The following GTF3C1 variants were observed in gnomAD, a reference collection of about 807,000 sequenced individuals.
GTF3C1 encodes general transcription factor IIIC subunit 1.
GTF3C1 carries 57 observed loss-of-function variants against 226.7 expected under a neutral mutation model. That is an observed-to-expected ratio of 0.25 (90% confidence interval 0.20 to 0.31). The LOEUF (loss-of-function observed/expected upper bound fraction) is 0.31. Among genes scored for constraint, GTF3C1 ranks in the 10% least tolerant of loss-of-function variants. The pLI is 1.00. For missense variants in GTF3C1, 2,217 were observed against 2,776.1 expected (o/e 0.80, Z 4.53); for synonymous variants, 1,090 against 1,084.8 (o/e 1.00, Z -0.09).
intron 6 of GTF3C1, among the ~76,000 whole-genome samples, chr16:27,517,002 C>T (rs2088668728): frequency 6.8e-6 from 1 of 147,240 alleles, no homozygotes; most frequent in Admixed American, 6.6e-5. Flanking sequence ...GGAAGCCAGA[C>T]TCTCTGCCAC....
In GTF3C1 at chr16:27,464,714, G is replaced by A. The variant is rs774131442; in HGVS notation, c.5478C>T (p.Asp1826=). The A allele has an allele frequency of 1.3e-6, 2 of 1,596,456 alleles. No individual in the cohort carries two copies. The highest frequency in any genetic ancestry group is 1.7e-6 in the Non-Finnish European group (2 of 1,177,874). ...SVRLKDREDA[D]IQREDPQARP... is the part of the protein sequence containing the mutation. ...TGGCCTGGGGGTCTTCTCTCTGGAT[G>A]TCGGCGTCTTCTCTGTCTTTCAGCC... is the stretch of plus-strand genomic sequence containing the variant. Residue 1826 remains aspartate (D), a synonymous_variant, in exon 34 of 37, where the codon GAC becomes GAT. Coordinates refer to ENST00000356183, the MANE Select transcript of GTF3C1 (RefSeq NM_001520.4).
chr16:27,493,599 C>T (rs2088265620), intron 16 of GTF3C1, among the ~76,000 whole-genome samples: 1 of 152,100 alleles, frequency 6.6e-6, no homozygotes, highest in African/African-American at 2.4e-5. Context: ...ATATTTTAAA[C>T]AAGAAAAGAT....
chr16:27,548,130 G>C (rs2089189939), intron 1 of GTF3C1, among the ~76,000 whole-genome samples: 1 of 152,174 alleles, frequency 6.6e-6, no homozygotes, highest in Non-Finnish European at 1.5e-5. Flanking sequence ...AAGGATCTTA[G>C]CACAGTCCTA....
intron 9 of GTF3C1, 49 bp downstream of exon 9, chr16:27,506,798 C>T: frequency 7.2e-7 from 1 of 1,395,416 alleles, no homozygotes; most frequent in Non-Finnish European, 9.8e-7. Flanking sequence ...CTTGCAGGTG[C>T]CCAGCAGTGC....
chr16:27,538,065 G>GGT, intron 3 of GTF3C1, 115 bp downstream of exon 3: 1 of 1,268,032 alleles, frequency 7.9e-7, no homozygotes, highest in Non-Finnish European at 1.1e-6. Context: ...GTGAGACCAC[G>GGT]GCCTTGAAAC....
intron 6 of GTF3C1, among the ~76,000 whole-genome samples, chr16:27,522,853 G>A (rs1462092432): frequency 2.0e-5 from 3 of 152,108 alleles, no homozygotes; most frequent in African/African-American, 7.2e-5. Context: ...GAACAAAATT[G>A]TTTTCTTAAT....
intron 27 of GTF3C1, among the ~76,000 whole-genome samples, chr16:27,478,942 C>T (rs543590344): frequency 6.6e-6 from 1 of 151,234 alleles, no homozygotes; most frequent in Non-Finnish European, 1.5e-5. Context: ...AGGTGGTTCC[C>T]AGAGGCTGGG....
chr16:27,498,511 C>T, intron 13 of GTF3C1, 119 bp downstream of exon 13: 1 of 721,238 alleles, frequency 1.4e-6, no homozygotes, highest in Non-Finnish European at 2.5e-6. Flanking sequence ...CCATGAACTC[C>T]AAACCAACAA....
Position 27,494,862 on chromosome 16 carries a change from T to G in GTF3C1, c.2679A>C (p.Pro893=). 1.2e-6 allele frequency: 2 copies of G among 1,612,928 alleles called. No individual in the cohort carries two copies. The highest frequency in any genetic ancestry group is 1.7e-6 in the Non-Finnish European group (2 of 1,178,954). Residue 893 remains proline, a synonymous_variant, in exon 16 of 37, where the codon CCA becomes CCC. Transcript: ENST00000356183. ...AGCCAAAGCCGAAGTCCCTGTGGAC[T>G]GGGATTGGGGGGATGTAGCGCATCC... ...ASWMRYIPPI[P]VHRDFGFGWA... is the part of the protein sequence containing the mutation.
chr16:27,501,387 A>G (rs1050310086), intron 11 of GTF3C1, 43 bp from the exon 12 acceptor site: 3 of 1,582,438 alleles, frequency 1.9e-6, no homozygotes, highest in African/African-American at 2.7e-5. Flanking sequence ...CAATCTCAAC[A>G]TGGAAGGCCT....
chr16:27,528,624 T>C lies in GTF3C1; in HGVS notation c.947A>G (p.Glu316Gly). The change falls in exon 6 of 37, where the codon GAA (glutamate) becomes GGA (glycine). Residue 316 changes from glutamate (E) to glycine (G), a missense_variant. Glu to Gly is a moderately conservative substitution (Grantham distance 98). Coordinates refer to ENST00000356183, the MANE Select transcript of GTF3C1 (RefSeq NM_001520.4). ...VSLRLQEIHP[E>G]CGPCKTKKGT... Reference sequence around the variant, plus strand: ...TTTCTTTGTCTTACAAGGTCCACATTCAGGGTGGATCTCTTGCAAGCGAAG... The same window carrying C: ...TTTCTTTGTCTTACAAGGTCCACATCCAGGGTGGATCTCTTGCAAGCGAAG... 1 of 1,612,360 alleles carries C rather than the reference T, an allele frequency of 6.2e-7. No individual in the cohort carries two copies.
intron 6 of GTF3C1, among the ~76,000 whole-genome samples, chr16:27,521,860 T>A (rs118190314): frequency 6.6e-6 from 1 of 152,194 alleles, no homozygotes; most frequent in Non-Finnish European, 1.5e-5. Context: ...TCACCTTTTA[T>A]CCTTTTTGTT....
chr16:27,545,324 C>T lies in GTF3C1; in HGVS notation c.421G>A (p.Ala141Thr). 2 of 1,611,252 alleles carry T rather than the reference C, an allele frequency of 1.2e-6. No homozygotes were observed. Among genetic ancestry groups the T allele is most frequent in the East Asian group, 4.5e-5 (2 of 44,866 alleles). Residue 141 changes from alanine (A) to threonine (T), a missense_variant, in exon 2 of 37, where the codon GCC becomes ACC. By Grantham distance (58) the Ala-to-Thr change is moderately conservative. Coordinates refer to ENST00000356183, the MANE Select transcript of GTF3C1 (RefSeq NM_001520.4). Reference sequence around the variant, plus strand: ...GTGCAAAATAGTTACCTGTCAAAGGCTTCCACCATTGTACAGCGAGGCTGC... The same window carrying T: ...GTGCAAAATAGTTACCTGTCAAAGGTTTCCACCATTGTACAGCGAGGCTGC... ...SLQPRCTMVE[A>T]FDRWGKKLII...
intron 6 of GTF3C1, among the ~76,000 whole-genome samples, chr16:27,516,398 G>A (rs2088659016): frequency 6.6e-6 from 1 of 152,222 alleles, no homozygotes; most frequent in Non-Finnish European, 1.5e-5. Flanking sequence ...GGCCCAGCGT[G>A]AGGCGGCTGT....
chr16:27,464,296 G>A (rs774392783), intron 34 of GTF3C1, 24 bp downstream of exon 34: 3 of 1,422,476 alleles, frequency 2.1e-6, no homozygotes, highest in Admixed American at 2.8e-5. Flanking sequence ...GGTGAGGTGG[G>A]GTGGGGGACA....
intron 10 of GTF3C1, 52 bp downstream of exon 10, chr16:27,505,846 TG>T: frequency 1.0e-6 from 1 of 990,258 alleles, no homozygotes; most frequent in East Asian, 2.4e-5. Flanking sequence ...ACAGAAACGA[TG>T]AGGCCACAGA....
At chr16:27,505,786 G>T in intron 10 of GTF3C1, 113 bp downstream of exon 10, 1 of 701,058 alleles carries the variant, frequency 1.4e-6, no homozygotes, top group Non-Finnish European at 2.5e-6. Context: ...GCCTCGGCAC[G>T]CAGCACTCTC....
At chr16:27,501,459 A>C in intron 11 of GTF3C1, 115 bp from the exon 12 acceptor site, 8 of 927,876 alleles carry the variant, frequency 8.6e-6, no homozygotes, top group East Asian at 2.4e-5. Flanking sequence ...GAAGGATCAA[A>C]CGGGGTTTCC....
chr16:27,484,275 A>T lies in GTF3C1; in HGVS notation c.3937T>A (p.Ser1313Thr). 2.5e-6 allele frequency: 4 copies of T among 1,607,288 alleles called. No individual in the cohort carries two copies. The highest frequency in any genetic ancestry group is 3.4e-6 in the Non-Finnish European group (4 of 1,173,818). The change falls in exon 25 of 37, where the codon TCT becomes ACT. Residue 1313 changes from serine to threonine, a missense_variant. Ser to Thr is a moderately conservative substitution (Grantham distance 58). Around this residue, in one of 12 missense-constraint regions of GTF3C1, gnomAD observed 546 missense variants for 663.0 expected, o/e 0.82. Coordinates refer to ENST00000356183, the MANE Select transcript of GTF3C1 (RefSeq NM_001520.4). Reference sequence around the variant, plus strand: ...CGAGCTCTTCGTCCAACGGAATGAGATGTTTTATCCAAAGACTCTTCAAAC... The same window carrying T: ...CGAGCTCTTCGTCCAACGGAATGAGTTGTTTTATCCAAAGACTCTTCAAAC... ...ATFEESLDKTSHSVGRRARYI... is the reference protein window; with the variant it reads ...ATFEESLDKTTHSVGRRARYI...
Sources: allele counts gnomAD v4.1 joint callset (sites outside exome capture counted in the v4.1 genomes callset), GRCh38; gene constraint gnomAD v4.1.1; regional missense constraint gnomAD v4.1.1; transcripts MANE v1.5; gene names NCBI Gene and HGNC (gene_info 2026-07-23, HGNC 2026-07-21).